The following DYNC2I1 variants were observed in gnomAD, a reference collection of about 807,000 sequenced individuals.
The protein encoded by DYNC2I1 is cytoplasmic dynein 2 intermediate chain 1.
Under a neutral mutation model 133.4 loss-of-function variants are expected in DYNC2I1, and 89 were observed. The ratio of observed to expected loss-of-function variants is 0.67; its 90% CI spans 0.56 to 0.80. The LOEUF (loss-of-function observed/expected upper bound fraction) is 0.80. Among genes scored for constraint, DYNC2I1 ranks in the 30% least tolerant of loss-of-function variants. The pLI is 0.00. For synonymous variants in DYNC2I1, 504 were observed against 484.3 expected (o/e 1.04, Z -0.54); for missense variants, 1,291 against 1,314.5 (o/e 0.98, Z 0.28).
At chr7:158,840,336 C>T in the DYNC2I1 span, among the ~76,000 whole-genome samples, 1 of 152,168 alleles carries the variant, frequency 6.6e-6, no homozygotes, top group Non-Finnish European at 1.5e-5. Context: ...GAGGCCAAGG[C>T]AGGTGGATCC....
chr7:158,941,958 C>T lies in DYNC2I1; in HGVS notation c.2812C>T (p.Gln938Ter). 1 of 1,610,986 alleles carries T rather than the reference C, an allele frequency of 6.2e-7. No individual in the cohort carries two copies. The highest frequency in any genetic ancestry group is 8.5e-7 in the Non-Finnish European group (1 of 1,178,622). Residue 938 changes from glutamine to a stop codon, truncating the protein, a stop_gained, in exon 24 of 25, where the codon CAG becomes TAG. Coordinates refer to ENST00000407559, the MANE Select transcript of DYNC2I1 (RefSeq NM_018051.5). LOFTEE classifies it high-confidence loss of function. The part of the protein sequence containing the change: ...GCSDGSIRLH[Q>*]LSSAFPLLQW... ...TTCGGACGGAAGCATCAGGCTGCAC[C>T]AGCTGAGCTCCGCGTTTCCGCTCCT... is the stretch of plus-strand genomic sequence containing the variant.
In DYNC2I1 at chr7:158,941,957, C is replaced by G. The variant is rs1247555346; in HGVS notation, c.2811C>G (p.His937Gln). 6 of 1,610,918 alleles carry G rather than the reference C, an allele frequency of 3.7e-6. No homozygotes were observed. The highest frequency in any genetic ancestry group is 4.2e-6 in the Non-Finnish European group (5 of 1,178,616). ...AGCSDGSIRL[H>Q]QLSSAFPLLQ... ...GTTCGGACGGAAGCATCAGGCTGCA[C>G]CAGCTGAGCTCCGCGTTTCCGCTCC... Residue 937 changes from histidine to glutamine, a missense_variant, in exon 24 of 25, where the codon CAC becomes CAG. By Grantham distance (24) the His-to-Gln change is conservative (BLOSUM62 0). Transcript: ENST00000407559.
chr7:158,956,194 A>T (rs1015217226), intron 4 of DYNC2I1, among the ~76,000 whole-genome samples: 5 of 152,214 alleles, frequency 3.3e-5, no homozygotes, highest in African/African-American at 1.2e-4. Flanking sequence ...CCTTGTCTCC[A>T]TCTTTCTGTG....
intron 5 of DYNC2I1, among the ~76,000 whole-genome samples, chr7:158,882,530 C>A (rs1366714647): frequency 6.6e-6 from 1 of 152,092 alleles, no homozygotes; most frequent in African/African-American, 2.4e-5. Context: ...CTGCAGTGAG[C>A]TGTGATCATA....
intron 6 of DYNC2I1, among the ~76,000 whole-genome samples, chr7:158,884,832 C>G (rs971491404): frequency 3.9e-5 from 6 of 152,014 alleles, no homozygotes; most frequent in African/African-American, 1.4e-4. Context: ...ATATTATTAG[C>G]TTTCTTTGGC....
Position 158,857,534 on chromosome 7 carries a change from G to GTTTTTTTTTTTTT in DYNC2I1, c.15+789_15+790insTTTTTTTTTTTTT, listed in dbSNP as rs374994955. Among the ~76,000 whole-genome samples the GTTTTTTTTTTTTT allele has an allele frequency of 3.0e-5, 4 of 131,402 alleles. 1 individual carries two copies. Among genetic ancestry groups the GTTTTTTTTTTTTT allele is most frequent in the African/African-American group, 6.2e-5 (2 of 32,076 alleles). 86.2% of individuals were successfully genotyped at this position (131,402 alleles called of 152,430 possible). On this transcript the variant is annotated intron_variant, in intron 1 of 24. Transcript: ENST00000407559. ...GTATTTTATGTTATATAAACCTTAG[G>GTTTTTTTTTTTTT]TTTTTGTTTTTTTTTTTTTTTTGAG... is the stretch of plus-strand genomic sequence containing the variant.
intron 1 of DYNC2I1, among the ~76,000 whole-genome samples, chr7:158,856,965 C>T (rs1841313698): frequency 1.3e-5 from 2 of 152,018 alleles, no homozygotes; most frequent in African/African-American, 4.8e-5. Context: ...GGGCTCCCGG[C>T]GGTCGGGAGA....
chr7:158,888,102 G>A (rs1212020236), intron 7 of DYNC2I1, among the ~76,000 whole-genome samples: 4 of 134,964 alleles, frequency 3.0e-5, no homozygotes, highest in Non-Finnish European at 4.6e-5. Context: ...TCGGCTCACT[G>A]CAACCTCCGC....
chr7:158,860,071 T>G (rs79572563), intron 1 of DYNC2I1, among the ~76,000 whole-genome samples: 2 of 141,596 alleles, frequency 1.4e-5, no homozygotes, highest in East Asian at 4.4e-4. Flanking sequence ...TTTTTTTTTT[T>G]GGAGACGAAG....
intron 1 of DYNC2I1, among the ~76,000 whole-genome samples, chr7:158,864,862 T>C (rs1377545027): frequency 6.6e-6 from 1 of 152,232 alleles, no homozygotes; most frequent in Non-Finnish European, 1.5e-5. Context: ...CAAATCAGTA[T>C]TTAACTTTAA....
chr7:158,909,869 TA>T (rs1847217762), intron 11 of DYNC2I1, among the ~76,000 whole-genome samples: 1 of 152,188 alleles, frequency 6.6e-6, no homozygotes, highest in Admixed American at 6.5e-5. Flanking sequence ...GAATTTCTGA[TA>T]AAACATCCTA....
chr7:158,921,016 T>C (rs1206040643), intron 15 of DYNC2I1, among the ~76,000 whole-genome samples: 7 of 152,226 alleles, frequency 4.6e-5, no homozygotes, highest in Admixed American at 4.6e-4. Context: ...CCCTGGGCAC[T>C]GTCGGGGAGC....
intron 23 of DYNC2I1, among the ~76,000 whole-genome samples, chr7:158,936,210 T>C (rs957436909): frequency 2.6e-5 from 4 of 152,102 alleles, no homozygotes; most frequent in African/African-American, 9.6e-5. Context: ...ACAAAAAAAG[T>C]CTCATTAATA....
chr7:158,903,421 TTATC>T (rs1408687004), intron 10 of DYNC2I1: 26 of 152,306 alleles, frequency 1.7e-4, no homozygotes, highest in African/African-American at 6.3e-4. Context: ...CTACTTTAAA[TTATC>T]TAGTAAAATA....
At chr7:158,893,516 T>TAATATCTCATATAATTTATTGACTGC (rs1210418413) in intron 8 of DYNC2I1, among the ~76,000 whole-genome samples, 1 of 152,216 alleles carries the variant, frequency 6.6e-6, no homozygotes, top group African/African-American at 2.4e-5. Flanking sequence ...ATAAGGTGTT[T>TAATATCTCATATAATTTATTGACTGC]AATATCTCAT....
chr7:158,956,509 G>A (rs970843930), intron 4 of DYNC2I1: 1 of 152,426 alleles, frequency 6.6e-6, no homozygotes, highest in African/African-American at 2.4e-5. Context: ...GAGGGGACCT[G>A]TGTCGGGAAC....
intron 5 of DYNC2I1, among the ~76,000 whole-genome samples, chr7:158,881,168 C>T (rs887403329): frequency 1.3e-5 from 2 of 152,246 alleles, no homozygotes; most frequent in Non-Finnish European, 2.9e-5. Context: ...CCGCTCTTGG[C>T]GCTGTCCTGC....
At position 158,941,926 on chromosome 7, in the gene DYNC2I1, C is replaced by T. The variant is rs1322981762; in HGVS notation, c.2780C>T (p.Ala927Val). 5 of 1,598,386 alleles carry T rather than the reference C, an allele frequency of 3.1e-6. No individual in the cohort carries two copies. The highest frequency in any genetic ancestry group is 4.3e-6 in the Non-Finnish European group (5 of 1,172,524). Reference protein sequence around the residue: ...FSPFGEPIFLAGCSDGSIRLH... With the variant: ...FSPFGEPIFLVGCSDGSIRLH... ...AGTGTTCTTTCTTCCTGGTCATAGGCCGGCTGTTCGGACGGAAGCATCAGG... is the reference window on the plus strand; with the variant it reads ...AGTGTTCTTTCTTCCTGGTCATAGGTCGGCTGTTCGGACGGAAGCATCAGG... Residue 927 changes from alanine to valine, a missense_variant and splice_region_variant, in exon 24 of 25, where the codon GCC becomes GTC. By Grantham distance (64) the Ala-to-Val change is moderately conservative. Transcript: ENST00000407559.
intron 3 of DYNC2I1, 78 bp from the exon 4 acceptor site, chr7:158,876,531 A>G: frequency 6.7e-7 from 1 of 1,483,136 alleles, no homozygotes. Context: ...GTGCAATACC[A>G]TCCATAGCAA....
Sources: gnomAD v4.1 joint callset for allele counts (sites outside exome capture counted in the v4.1 genomes callset) on GRCh38, gnomAD v4.1.1 for gene constraint, MANE v1.5 for transcripts, NCBI Gene and HGNC (gene_info 2026-07-23, HGNC 2026-07-21) for gene names.